Variants in ACSL4 observed in about 807,000 individuals in gnomAD.
ACSL4 encodes the protein acyl-CoA synthetase long chain family member 4.
Under a neutral mutation model 49.1 loss-of-function variants are expected in ACSL4, and 9 were observed. The ratio of observed to expected loss-of-function variants is 0.18; its 90% CI spans 0.11 to 0.32. The LOEUF (loss-of-function observed/expected upper bound fraction) is 0.32, where lower values mean the gene tolerates loss of function less well. Ranked by LOEUF, ACSL4 falls within the 10% of genes least tolerant of loss-of-function variation. The pLI, the probability that ACSL4 is intolerant of heterozygous loss-of-function variation, is 1.00. For synonymous variants in ACSL4, 191 were observed against 170.3 expected, an observed-to-expected ratio of 1.12 and a Z score of -0.95; for missense variants, 333 against 493.7, an observed-to-expected ratio of 0.67 and a Z score of 3.08.
chrX:109,669,652 A>G (rs1923006668), intron 9 of ACSL4, among the ~76,000 whole-genome samples: 1 of 112,244 alleles, frequency 8.9e-6, no homozygotes. Flanking sequence ...TCGGCCTCCC[A>G]AAGTGTTGGG....
At chrX:109,647,429 T>C (rs758221025) in intron 15 of ACSL4, among the ~76,000 whole-genome samples, 1 of 111,914 alleles carries the variant, frequency 8.9e-6, no homozygotes, top group Admixed American at 9.5e-5. Flanking sequence ...GACTTCTGGG[T>C]ACATAACGAA....
rs187381192 is a variant in ACSL4 at position 109,657,702 on chromosome X, G to A, written c.1855+1652C>T. 3.4e-3 allele frequency among the ~76,000 whole-genome samples: 385 copies of A among 111,764 alleles called. 2 individuals carry two copies. The highest frequency in any genetic ancestry group is 6.4e-3 in the Non-Finnish European group (343 of 53,184). ...TATGTGTGCATGTGTCTTTACAGCA[G>A]CATTATTTATAATCCTTTGGGTATA... On this transcript the variant is annotated intron_variant, in intron 15 of 15. Coordinates refer to ENST00000672401, the MANE Select transcript of ACSL4 (RefSeq NM_001318510.2).
rs751809587 is a variant in ACSL4 at position 109,677,811 on chromosome X, G to A, written c.930+177C>T. ...AATAATTTTAAAATATATAGCTAAA[G>A]CAATGCTAACAAATCTACAGGGTAA... On this transcript the variant is annotated intron_variant, in intron 8 of 15. Transcript: ENST00000672401. Among the ~76,000 whole-genome samples the A allele has an allele frequency of 2.7e-5, 3 of 111,977 alleles. No individual in the cohort carries two copies. In the South Asian group the frequency reaches 1.1e-3, roughly 42 times the overall value.
At chrX:109,717,392 A>C (rs1469901604) in intron 1 of ACSL4, among the ~76,000 whole-genome samples, 1 of 110,724 alleles carries the variant, frequency 9.0e-6, no homozygotes, top group Non-Finnish European at 1.9e-5. Context: ...CCTACTAGGG[A>C]GGCTGAGGCA....
intron 8 of ACSL4, among the ~76,000 whole-genome samples, chrX:109,674,968 C>T (rs944194357): frequency 1.2e-4 from 13 of 112,276 alleles, no homozygotes; most frequent in African/African-American, 4.2e-4. Flanking sequence ...GAGAACACTG[C>T]CAGGGACAAA....
intron 8 of ACSL4, among the ~76,000 whole-genome samples, 187 bp from the exon 9 acceptor site, chrX:109,674,660 C>T (rs1481333931): frequency 1.8e-5 from 2 of 112,218 alleles, no homozygotes; most frequent in Non-Finnish European, 3.8e-5. Context: ...CAGATAACTG[C>T]TTCTAGCACA....
chrX:109,713,070 G>A (rs1279684310), intron 1 of ACSL4, among the ~76,000 whole-genome samples: 1 of 108,640 alleles, frequency 9.2e-6, no homozygotes, highest in Admixed American at 9.9e-5. Flanking sequence ...GAGGGATGAA[G>A]GGAAGAAGGG....
rs753156632 is a variant in ACSL4, at chrX:109,696,472, C to T, written c.-65-276G>A. ...ATGTTCTTAACTGTTTTATTTGTATCTCTGAATCCCCCATGGTCAGGACCA... is the reference window on the plus strand; with the variant it reads ...ATGTTCTTAACTGTTTTATTTGTATTTCTGAATCCCCCATGGTCAGGACCA... On this transcript the variant is annotated intron_variant, in intron 1 of 15. Transcript: ENST00000672401. Among the ~76,000 whole-genome samples the T allele has an allele frequency of 6.2e-5, 7 of 112,034 alleles. No individual in the cohort carries two copies. In the East Asian group the frequency reaches 2.0e-3, roughly 31 times the overall value.
intron 15 of ACSL4, among the ~76,000 whole-genome samples, chrX:109,650,873 A>C (rs1921058419): frequency 8.9e-6 from 1 of 111,798 alleles, no homozygotes; most frequent in South Asian, 3.7e-4. Flanking sequence ...GCCCTCCATA[A>C]ATACATACAA....
chrX:109,647,926 G>T, intron 15 of ACSL4, among the ~76,000 whole-genome samples: 1 of 111,541 alleles, frequency 9.0e-6, no homozygotes, highest in Non-Finnish European at 1.9e-5. Context: ...AAATCTAGAA[G>T]AAATGGATAA....
At chrX:109,661,222 T>C (rs992351371) in intron 14 of ACSL4, among the ~76,000 whole-genome samples, 3 of 112,215 alleles carry the variant, frequency 2.7e-5, no homozygotes, top group South Asian at 3.6e-4. Flanking sequence ...CAACATGTAG[T>C]AGTTGTGTTA....
chrX:109,643,863 A>T lies in ACSL4; in HGVS notation c.*166T>A. On this transcript the variant is annotated 3_prime_UTR_variant, in exon 16 of 16. Transcript: ENST00000672401. Reference sequence around the variant, plus strand: ...ACTAGAACTATGCAAAACTAAGTTAAAGTAAACCGGACAACAATTTTAATA... The same window carrying T: ...ACTAGAACTATGCAAAACTAAGTTATAGTAAACCGGACAACAATTTTAATA... 1.7e-6 allele frequency: 1 copy of T among 575,839 alleles called. No individual in the cohort carries two copies. The highest frequency in any genetic ancestry group is 2.8e-6 in the Non-Finnish European group (1 of 358,171). The allele number at this position is 575,839 out of a possible 1,213,427, so 47.5% of individuals were successfully genotyped here. A position where few individuals can be genotyped will look rare whatever the true frequency, so the allele number is the denominator to read the frequency against.
intron 8 of ACSL4, among the ~76,000 whole-genome samples, chrX:109,676,964 AT>A (rs1226958157): frequency 4.6e-4 from 49 of 105,749 alleles, no homozygotes; most frequent in Middle Eastern, 5.0e-3. Context: ...ATTTTACTTA[AT>A]TTTTTTTTTT....
At chrX:109,645,882 C>A (rs1934663823) in intron 15 of ACSL4, among the ~76,000 whole-genome samples, 1 of 112,177 alleles carries the variant, frequency 8.9e-6, no homozygotes, top group African/African-American at 3.2e-5. Context: ...AATGCAGAAG[C>A]CTCAGGAGCC....
At chrX:109,670,973 T>C in intron 9 of ACSL4, among the ~76,000 whole-genome samples, 1 of 112,247 alleles carries the variant, frequency 8.9e-6, no homozygotes, top group Non-Finnish European at 1.9e-5. Flanking sequence ...CTCGGCTGGC[T>C]ACAACCTCCA....
rs760328073 is a variant in ACSL4 at position 109,718,283 on chromosome X, C to T, written c.-66+14856G>A. ...TAATTCTTTCAACCGAAGTGAGCTG[C>T]TTCAAAATGTGTTACTTACATCTCA... On this transcript the variant is annotated intron_variant, in intron 1 of 15. Transcript: ENST00000672401. Among the ~76,000 whole-genome samples the T allele has an allele frequency of 1.2e-4, 14 of 112,446 alleles. 3 individuals carry two copies. The South Asian group carries it at 1.5e-3, about 12-fold the overall frequency.
chrX:109,697,901 C>G (rs1322900241), intron 1 of ACSL4, among the ~76,000 whole-genome samples: 1 of 109,700 alleles, frequency 9.1e-6, no homozygotes, highest in Non-Finnish European at 1.9e-5. Context: ...ATCTAAAGAT[C>G]TAAAGGTAGA....
intron 12 of ACSL4, 72 bp downstream of exon 12, chrX:109,665,348 A>C (rs765456636): frequency 9.3e-6 from 9 of 967,030 alleles, no homozygotes; most frequent in Non-Finnish European, 1.3e-5. Flanking sequence ...ACTTTAAAGA[A>C]ATGAAAGTCA....
intron 1 of ACSL4, among the ~76,000 whole-genome samples, chrX:109,707,191 C>T (rs1220353051): frequency 8.9e-6 from 1 of 111,904 alleles, no homozygotes; most frequent in Non-Finnish European, 1.9e-5. Context: ...CAGTTCCTTG[C>T]AGTACTACTA....
Sources: gnomAD v4.1 joint callset for allele counts (sites outside exome capture counted in the v4.1 genomes callset) on GRCh38, gnomAD v4.1.1 for gene constraint, MANE v1.5 for transcripts, NCBI Gene and HGNC (gene_info 2026-07-23, HGNC 2026-07-21) for gene names.